CABIN1: variants seen among roughly 807,000 people sequenced by gnomAD.
CABIN1 encodes the protein calcineurin binding protein 1.
In CABIN1, 133 loss-of-function variants were observed where a neutral mutation model predicts 227.7. The observed-to-expected ratio is 0.58, with a 90% confidence interval of 0.51 to 0.67. CABIN1 has a LOEUF of 0.67. CABIN1 is among the 30% of genes least tolerant of loss of function. The pLI is 0.00. For missense variants in CABIN1, 2,408 were observed against 2,852.5 expected (o/e 0.84, Z 3.55); for synonymous variants, 1,086 against 1,155.1 (o/e 0.94, Z 1.21).
chr22:24,048,271 C>T (rs1311059214), intron 6 of CABIN1, among the ~76,000 whole-genome samples: 1 of 152,124 alleles, frequency 6.6e-6, no homozygotes, highest in African/African-American at 2.4e-5. Context: ...TCTTTTGTCT[C>T]CTGCTTCTTC....
chr22:24,151,022 A>C (rs1028191325), intron 29 of CABIN1, among the ~76,000 whole-genome samples: 22 of 152,308 alleles, frequency 1.4e-4, no homozygotes, highest in African/African-American at 5.1e-4. Context: ...CTGAGGCAAC[A>C]CAGGGGATTG....
intron 26 of CABIN1, among the ~76,000 whole-genome samples, chr22:24,109,710 C>T (rs2042707071): frequency 6.6e-6 from 1 of 152,116 alleles, no homozygotes; most frequent in African/African-American, 2.4e-5. Flanking sequence ...GCATGGACCT[C>T]TGTGAGATGA....
At chr22:24,162,978 A>G (rs1375967392) in intron 29 of CABIN1, among the ~76,000 whole-genome samples, 2 of 152,180 alleles carry the variant, frequency 1.3e-5, no homozygotes, top group Non-Finnish European at 2.9e-5. Flanking sequence ...GTGTCTGCCC[A>G]TTCTGGTGCC....
intron 33 of CABIN1, 22 bp from the exon 34 acceptor site, chr22:24,171,691 C>T (rs1387319197): frequency 1.2e-6 from 2 of 1,613,694 alleles, no homozygotes; most frequent in Non-Finnish European, 1.7e-6. Flanking sequence ...CAGCCTTTCT[C>T]ACCTCTTGTT....
chr22:24,023,286 C>A (rs950832613), intron 1 of CABIN1, among the ~76,000 whole-genome samples: 78 of 152,088 alleles, frequency 5.1e-4, no homozygotes, highest in African/African-American at 1.8e-3. Flanking sequence ...TTTTGTTTAT[C>A]CATCTATTGG....
chr22:24,060,025 G>A lies in CABIN1; in HGVS notation c.1501G>A (p.Val501Ile), dbSNP rs1289985406. 3 of 1,614,076 alleles carry A rather than the reference G, an allele frequency of 1.9e-6. No individual in the cohort carries two copies. Among genetic ancestry groups the A allele is most frequent in the Non-Finnish European group, 2.5e-6 (3 of 1,180,034 alleles). The change falls in exon 12 of 37, where the codon GTA (valine) becomes ATA (isoleucine). Residue 501 changes from valine (V) to isoleucine (I), a missense_variant. Around this residue, in one of 3 missense-constraint regions of CABIN1, gnomAD observed 1,045 missense variants for 1,168.4 expected, o/e 0.89. Transcript: ENST00000263119. Reference sequence around the variant, plus strand: ...GAAAGCCATGGGCCACAAGTTCTTGGTAAGGTGGCCTCCAGGCTTGGCGGA... The same window carrying A: ...GAAAGCCATGGGCCACAAGTTCTTGATAAGGTGGCCTCCAGGCTTGGCGGA... ...YLKAMGHKFL[V>I]RWPPGLAEVV...
chr22:24,087,640 A>T lies in CABIN1; in HGVS notation c.3452A>T (p.Tyr1151Phe), dbSNP rs770999552. ...TGGATTGAGTATGGCACCATGTCCT[A>T]TGCCTTGCACTCATTCGCCTCACGT... ...SLWIEYGTMS[Y>F]ALHSFASRQL... is the part of the protein sequence containing the mutation. Residue 1151 changes from tyrosine (Y) to phenylalanine (F), a missense_variant, in exon 23 of 37, where the codon TAT (tyrosine) becomes TTT (phenylalanine). This residue lies in a region of CABIN1 where 649 missense variants were observed against 910.3 expected (regional missense o/e 0.71). Coordinates refer to ENST00000263119, the MANE Select transcript of CABIN1 (RefSeq NM_012295.4). The T allele has an allele frequency of 1.9e-5, 30 of 1,614,070 alleles. No homozygotes were observed. The highest frequency in any genetic ancestry group is 8.5e-7 in the Non-Finnish European group (1 of 1,180,036).
intron 26 of CABIN1, among the ~76,000 whole-genome samples, chr22:24,099,482 A>G (rs983465069): frequency 6.6e-6 from 1 of 152,074 alleles, no homozygotes; most frequent in African/African-American, 2.4e-5. Flanking sequence ...CTCAGCACTG[A>G]CACCTCGCTG....
At chr22:24,155,992 G>C (rs2045767785) in intron 29 of CABIN1, 1 of 566,542 alleles carries the variant, frequency 1.8e-6, no homozygotes, top group Non-Finnish European at 3.1e-6. Context: ...GGCCCGCCGC[G>C]AGCGAGAGAG....
At chr22:24,059,189 T>C (rs1321667385) in intron 10 of CABIN1, 38 bp from the exon 11 acceptor site, 1 of 1,612,126 alleles carries the variant, frequency 6.2e-7, no homozygotes, top group Non-Finnish European at 8.5e-7. Context: ...TGTCAGAACG[T>C]GTGTTGTGAC....
chr22:24,073,955 A>G (rs1179722548), intron 18 of CABIN1, among the ~76,000 whole-genome samples: 4 of 152,146 alleles, frequency 2.6e-5, no homozygotes, highest in African/African-American at 9.6e-5. Flanking sequence ...TGGCTGCACT[A>G]TTTCATTCTT....
intron 1 of CABIN1, among the ~76,000 whole-genome samples, chr22:24,013,372 AT>A (rs2034986956): frequency 6.7e-6 from 1 of 149,702 alleles, no homozygotes; most frequent in Admixed American, 6.7e-5. Flanking sequence ...AGTTTTTTGT[AT>A]TTTTTAGTAG....
intron 20 of CABIN1, among the ~76,000 whole-genome samples, chr22:24,084,011 C>T (rs978664636): frequency 2.0e-5 from 3 of 152,146 alleles, no homozygotes; most frequent in African/African-American, 7.2e-5. Flanking sequence ...TGCTGTGGAC[C>T]CCAAACCTAG....
chr22:24,167,323 A>C lies in CABIN1; in HGVS notation c.5682+10A>C. On this transcript the variant is annotated intron_variant, in intron 32 of 36. Coordinates refer to ENST00000263119, the MANE Select transcript of CABIN1 (RefSeq NM_012295.4). ...CATGCTCATCAAGCAGGTGGGTGGC[A>C]GGCAGAGGCCTGGGGGCACTAGTCT... The C allele has an allele frequency of 1.2e-6, 2 of 1,610,066 alleles. No homozygotes were observed. The highest frequency in any genetic ancestry group is 1.7e-6 in the Non-Finnish European group (2 of 1,178,524).
rs781727124 is a variant in CABIN1 at position 24,070,867 on chromosome 22, C to T, written c.2300C>T (p.Ala767Val). The change falls in exon 17 of 37, where the codon GCT becomes GTT. Residue 767 changes from alanine (A) to valine (V), a missense_variant. Coordinates refer to ENST00000263119, the MANE Select transcript of CABIN1 (RefSeq NM_012295.4). ...FECSDVALNE[A>V]VQQMVNSGEA... is the part of the protein sequence containing the mutation. Reference sequence around the variant, plus strand: ...TGTTCCGATGTGGCTCTGAACGAGGCTGTCCAGCAGATGGTGAACTCAGGT... The same window carrying T: ...TGTTCCGATGTGGCTCTGAACGAGGTTGTCCAGCAGATGGTGAACTCAGGT... 4 of 1,614,144 alleles carry T rather than the reference C, an allele frequency of 2.5e-6. No homozygotes were observed. The East Asian group carries it at 6.7e-5, about 27-fold the overall frequency.
In CABIN1 at chr22:24,167,211, G is replaced by A. The variant is rs1035819505; in HGVS notation, c.5580G>A (p.Leu1860=). 2 of 1,612,790 alleles carry A rather than the reference G, an allele frequency of 1.2e-6. No homozygotes were observed. The highest frequency in any genetic ancestry group is 1.1e-5 in the South Asian group (1 of 90,772). The change falls in exon 32 of 37, where the codon CTG becomes CTA. Residue 1860 remains leucine, a synonymous_variant. Coordinates refer to ENST00000263119, the MANE Select transcript of CABIN1 (RefSeq NM_012295.4). ...ACACAGAGTCAGGCAAGACACTTCTGTTGGATGCCTACCGTGTGTGGCAGC... is the reference window on the plus strand; with the variant it reads ...ACACAGAGTCAGGCAAGACACTTCTATTGGATGCCTACCGTGTGTGGCAGC... ...LEDTESGKTL[L]LDAYRVWQQG...
At chr22:24,062,346 ATTTTTTTTTTTTTTT>A (rs35757164) in intron 13 of CABIN1, among the ~76,000 whole-genome samples, 3 of 96,540 alleles carry the variant, frequency 3.1e-5, no homozygotes, top group Admixed American at 1.0e-4. Flanking sequence ...GGTGATACGG[ATTTTTTTTTTTTTTT>A]TTTTTTTTTT....
At position 24,084,799 on chromosome 22, in the gene CABIN1, C is replaced by T; in HGVS notation, c.3117+14C>T. The T allele has an allele frequency of 1.2e-6, 2 of 1,613,290 alleles. No homozygotes were observed. The highest frequency in any genetic ancestry group is 1.3e-5 in the African/African-American group (1 of 75,048). On this transcript the variant is annotated intron_variant, in intron 21 of 36. Coordinates refer to ENST00000263119, the MANE Select transcript of CABIN1 (RefSeq NM_012295.4). ...ACTTCAACTGAGGTGGGCCCACAAC[C>T]TTGAGGACGTGGGGGACAGGGCTGG...
At chr22:24,084,515 T>C in intron 20 of CABIN1, 64 bp from the exon 21 acceptor site, 3 of 1,281,850 alleles carry the variant, frequency 2.3e-6, no homozygotes, top group East Asian at 4.6e-5. Flanking sequence ...TATGGAGGAA[T>C]GCAATTTTCC....
Sources: allele counts gnomAD v4.1 joint callset (sites outside exome capture counted in the v4.1 genomes callset), GRCh38; gene constraint gnomAD v4.1.1; regional missense constraint gnomAD v4.1.1; transcripts MANE v1.5; gene names NCBI Gene and HGNC (gene_info 2026-07-23, HGNC 2026-07-21).